Variants in SOX6 observed in about 807,000 individuals in gnomAD.
SOX6 encodes SRY-box transcription factor 6.
A neutral mutation model predicts 97.8 loss-of-function variants in SOX6; 11 were observed. That is an observed-to-expected ratio of 0.11 (90% CI 0.07 to 0.19). SOX6 has a LOEUF of 0.19. Among genes scored for constraint, SOX6 ranks in the 10% least tolerant of loss-of-function variants. The pLI is 1.00. For synonymous variants in SOX6, 360 were observed against 371.4 expected (o/e 0.97, Z 0.35); for missense variants, 810 against 1,039.5 (o/e 0.78, Z 3.04).
intron 9 of SOX6, among the ~76,000 whole-genome samples, chr11:16,090,394 C>G (rs1848659127): frequency 6.6e-6 from 1 of 152,022 alleles, no homozygotes; most frequent in Non-Finnish European, 1.5e-5. Flanking sequence ...TCCAGTTTAT[C>G]CAATGTTTTA....
chr11:16,349,609 C>G (rs1245877009), intron 1 of SOX6, among the ~76,000 whole-genome samples: 1 of 146,300 alleles, frequency 6.8e-6, no homozygotes, highest in Non-Finnish European at 1.5e-5. Flanking sequence ...GAGCAAGGCT[C>G]TGTCAAAAAA....
intron 4 of SOX6, among the ~76,000 whole-genome samples, chr11:16,553,657 G>A (rs930705560): frequency 2.0e-5 from 3 of 151,158 alleles, no homozygotes; most frequent in African/African-American, 4.9e-5. Context: ...ATCTCTCCCT[G>A]TGGAGACCAT....
intron 3 of SOX6, among the ~76,000 whole-genome samples, chr11:16,626,858 T>C (rs2133992763): frequency 6.6e-6 from 1 of 152,324 alleles, no homozygotes; most frequent in East Asian, 1.9e-4. Flanking sequence ...AGGAGATACA[T>C]GTGCAGGTGT....
chr11:16,099,375 T>C (rs762196240), intron 7 of SOX6, among the ~76,000 whole-genome samples: 2 of 151,778 alleles, frequency 1.3e-5, no homozygotes, highest in African/African-American at 2.4e-5. Context: ...CTAAGTCAAA[T>C]AGTATTTCTT....
intron 3 of SOX6, among the ~76,000 whole-genome samples, chr11:16,310,902 G>C (rs886682517): frequency 6.6e-6 from 1 of 151,608 alleles, no homozygotes; most frequent in Non-Finnish European, 1.5e-5. Flanking sequence ...GTTCTCACAG[G>C]GTGTGAATGT....
chr11:15,973,899 C>T (rs991924521), intron 15 of SOX6, among the ~76,000 whole-genome samples: 2 of 152,162 alleles, frequency 1.3e-5, no homozygotes, highest in Non-Finnish European at 2.9e-5. Flanking sequence ...CTAGTTTAAA[C>T]AAACTTAACA....
intron 3 of SOX6, among the ~76,000 whole-genome samples, chr11:16,285,452 T>C (rs1412111141): frequency 6.6e-6 from 1 of 152,096 alleles, no homozygotes; most frequent in African/African-American, 2.4e-5. Flanking sequence ...GAGAATCACT[T>C]GAACCCAGGA....
intron 1 of SOX6, among the ~76,000 whole-genome samples, chr11:16,447,007 TTCCA>T (rs1404646398): frequency 1.5e-5 from 1 of 68,268 alleles, no homozygotes; most frequent in East Asian, 4.6e-4. Context: ...CTTTCCTTTC[TTCCA>T]TCCTTTCTTC....
At chr11:16,140,507 C>T (rs1382708553) in intron 6 of SOX6, among the ~76,000 whole-genome samples, 2 of 152,112 alleles carry the variant, frequency 1.3e-5, no homozygotes, top group African/African-American at 2.4e-5. Context: ...AGCTTCCTCA[C>T]TTGTCAAATG....
chr11:16,669,609 C>T (rs1446501015), intron 3 of SOX6, among the ~76,000 whole-genome samples: 1 of 152,222 alleles, frequency 6.6e-6, no homozygotes, highest in Non-Finnish European at 1.5e-5. Context: ...GACAGAACTC[C>T]CAGTGGGAGG....
chr11:16,163,141 A>G (rs1419627061), intron 6 of SOX6, among the ~76,000 whole-genome samples: 2 of 152,304 alleles, frequency 1.3e-5, no homozygotes, highest in African/African-American at 4.8e-5. Flanking sequence ...AAGGAAGATA[A>G]AAAGAAAATA....
chr11:16,229,172 G>A (rs1357432477), intron 4 of SOX6, among the ~76,000 whole-genome samples: 1 of 151,996 alleles, frequency 6.6e-6, no homozygotes, highest in Middle Eastern at 3.2e-3. Context: ...AAGAGAATAT[G>A]TGCAGTTAAG....
rs367840060 is a variant in SOX6 at position 16,334,194 on chromosome 11, GA to G, written c.237+6817del. Among the ~76,000 whole-genome samples the G allele has an allele frequency of 2.6e-3, 378 of 147,626 alleles. 3 individuals are homozygous for G. Among genetic ancestry groups the G allele is most frequent in the Non-Finnish European group, 3.4e-3 (230 of 66,740 alleles). ...GACATTCTGAATACACAACTTCACT[GA>G]AAAAAAAAAGATACTAATGTCCGAT... On this transcript the variant is annotated intron_variant, in intron 2 of 15. Transcript: ENST00000683767.
At chr11:16,351,106 C>A (rs1856936500) in intron 1 of SOX6, among the ~76,000 whole-genome samples, 1 of 152,090 alleles carries the variant, frequency 6.6e-6, no homozygotes, top group Non-Finnish European at 1.5e-5. Flanking sequence ...TCCAACAGTC[C>A]TCAAATGACT....
rs143447804 is a variant in SOX6, at chr11:16,151,502, C to T, written c.777+32384G>A. ...CCCTGCAGACACCATTTTTCTGTTGCTGTTAATTTCATCAACCCAATTCAT... is the reference window on the plus strand; with the variant it reads ...CCCTGCAGACACCATTTTTCTGTTGTTGTTAATTTCATCAACCCAATTCAT... On this transcript the variant is annotated intron_variant, in intron 6 of 15. Coordinates refer to ENST00000683767, the MANE Select transcript of SOX6 (RefSeq NM_001367873.1). Among the ~76,000 whole-genome samples the T allele has an allele frequency of 2.8e-3, 420 of 152,216 alleles. 1 individual carries two copies. Among genetic ancestry groups the T allele is most frequent in the African/African-American group, 9.4e-3 (392 of 41,546 alleles).
intron 12 of SOX6, 174 bp from the exon 13 acceptor site, chr11:16,015,224 C>T: frequency 1.5e-6 from 1 of 650,782 alleles, no homozygotes; most frequent in Non-Finnish European, 2.7e-6. Context: ...GTGACATGGA[C>T]AGCACTGACA....
intron 9 of SOX6, among the ~76,000 whole-genome samples, chr11:16,084,999 T>A (rs1479611191): frequency 6.6e-6 from 1 of 152,182 alleles, no homozygotes; most frequent in Non-Finnish European, 1.5e-5. Flanking sequence ...CCCAAATTAG[T>A]CACATTTAGT....
At chr11:16,527,086 G>T (rs191423943) in intron 4 of SOX6, among the ~76,000 whole-genome samples, 7 of 152,118 alleles carry the variant, frequency 4.6e-5, no homozygotes, top group Admixed American at 2.6e-4. Context: ...GCAACAGCCA[G>T]ATATCAGCTG....
At chr11:16,343,071 C>A (rs749001595) in intron 1 of SOX6, among the ~76,000 whole-genome samples, 9 of 151,548 alleles carry the variant, frequency 5.9e-5, no homozygotes, top group Non-Finnish European at 1.3e-4. Flanking sequence ...CAAACATATA[C>A]ACAATTATGA....
Sources: allele counts gnomAD v4.1 joint callset (sites outside exome capture counted in the v4.1 genomes callset), GRCh38; gene constraint gnomAD v4.1.1; transcripts MANE v1.5; gene names NCBI Gene and HGNC (gene_info 2026-07-23, HGNC 2026-07-21).